IL1RAPL1: variants seen among roughly 807,000 people sequenced by gnomAD.
IL1RAPL1 encodes the protein interleukin 1 receptor accessory protein like 1.
In IL1RAPL1, 3 loss-of-function variants were observed where a neutral mutation model predicts 48.4. The observed-to-expected ratio is 0.06, with a 90% CI of 0.03 to 0.16. The LOEUF (loss-of-function observed/expected upper bound fraction) is 0.16, where lower values mean the gene tolerates loss of function less well. Among genes scored for constraint, IL1RAPL1 ranks in the 10% least tolerant of loss-of-function variants. The probability of loss-of-function intolerance (pLI) is 1.00; values close to 1 mark genes in which losing one functional copy is unlikely to be tolerated. For synonymous variants in IL1RAPL1, 185 were observed against 187.7 expected (o/e 0.99, Z 0.12); for missense variants, 349 against 530.6 (o/e 0.66, Z 3.36).
intron 6 of IL1RAPL1, among the ~76,000 whole-genome samples, chrX:29,786,654 G>A (rs1929507110): frequency 8.9e-6 from 1 of 111,833 alleles, no homozygotes; most frequent in Non-Finnish European, 1.9e-5. Context: ...TAGCAAATAA[G>A]CTCGTAAAGT....
At chrX:28,927,543 C>T (rs939411440) in intron 2 of IL1RAPL1, among the ~76,000 whole-genome samples, 4 of 111,367 alleles carry the variant, frequency 3.6e-5, no homozygotes, top group Admixed American at 9.5e-5. Flanking sequence ...TTATTTACCT[C>T]GTATTCTCTT....
At chrX:29,510,252 T>C (rs748118831) in intron 5 of IL1RAPL1, among the ~76,000 whole-genome samples, 21 of 112,510 alleles carry the variant, frequency 1.9e-4, no homozygotes, top group Non-Finnish European at 3.0e-4. Context: ...CTGTAAAGTA[T>C]GTATCTACTT....
At chrX:29,899,847 A>G (rs766218322) in intron 6 of IL1RAPL1, among the ~76,000 whole-genome samples, 9 of 111,820 alleles carry the variant, frequency 8.0e-5, no homozygotes, top group Non-Finnish European at 1.3e-4. Flanking sequence ...CCCGGCCAAC[A>G]GTGAATTTTT....
chrX:29,438,465 G>A (rs1005781085), intron 5 of IL1RAPL1, among the ~76,000 whole-genome samples: 4 of 110,503 alleles, frequency 3.6e-5, no homozygotes, highest in Non-Finnish European at 5.7e-5. Flanking sequence ...TTTTGAGGTG[G>A]GAGATTAGAA....
Position 29,470,552 on chromosome X carries a change from A to G in IL1RAPL1, c.703+71244A>G, listed in dbSNP as rs1259629191. Among the ~76,000 whole-genome samples the G allele has an allele frequency of 2.7e-5, 3 of 111,262 alleles. No homozygotes were observed. In the East Asian group the frequency reaches 8.4e-4, roughly 31 times the overall value. On this transcript the variant is annotated intron_variant, in intron 5 of 10. Coordinates refer to ENST00000378993, the MANE Select transcript of IL1RAPL1 (RefSeq NM_014271.4). ...ACCAAGCATCTTTTTTTCTTATACAATTTTATTAATGGAGATACAATTCAC... is the reference window on the plus strand; with the variant it reads ...ACCAAGCATCTTTTTTTCTTATACAGTTTTATTAATGGAGATACAATTCAC...
intron 5 of IL1RAPL1, among the ~76,000 whole-genome samples, chrX:29,666,087 GTTT>G (rs756191637): frequency 9.2e-6 from 1 of 108,225 alleles, no homozygotes; most frequent in African/African-American, 3.3e-5. Flanking sequence ...AATCAGTCCA[GTTT>G]TTTTTTAAGT....
intron 1 of IL1RAPL1, among the ~76,000 whole-genome samples, chrX:28,726,578 T>G (rs1601875759): frequency 8.9e-6 from 1 of 112,037 alleles, no homozygotes; most frequent in Admixed American, 9.5e-5. Context: ...AAATTGAAAT[T>G]TAAACATTAT....
chrX:29,007,984 A>C (rs1454390412), intron 2 of IL1RAPL1, among the ~76,000 whole-genome samples: 1 of 111,493 alleles, frequency 9.0e-6, no homozygotes, highest in Non-Finnish European at 1.9e-5. Context: ...AGAATGGTAG[A>C]AAATTAAATG....
chrX:29,764,237 C>T (rs934999028), intron 6 of IL1RAPL1, among the ~76,000 whole-genome samples: 4 of 111,714 alleles, frequency 3.6e-5, no homozygotes, highest in Non-Finnish European at 7.5e-5. Flanking sequence ...AGGCACAAGA[C>T]GCCAAGGCTT....
chrX:29,731,285 A>G (rs755884706), intron 6 of IL1RAPL1, among the ~76,000 whole-genome samples: 4 of 112,418 alleles, frequency 3.6e-5, no homozygotes, highest in African/African-American at 1.3e-4. Context: ...CTCAGCAAAG[A>G]CTGTAACTAC....
chrX:28,660,200 C>T (rs1223739539), intron 1 of IL1RAPL1, among the ~76,000 whole-genome samples: 1 of 106,760 alleles, frequency 9.4e-6, no homozygotes, highest in Non-Finnish European at 1.9e-5. Flanking sequence ...TTTCTCATGT[C>T]ATGCCCAGGA....
At chrX:29,579,626 C>T (rs1349626896) in intron 5 of IL1RAPL1, among the ~76,000 whole-genome samples, 1 of 111,848 alleles carries the variant, frequency 8.9e-6, no homozygotes, top group Non-Finnish European at 1.9e-5. Context: ...CTCAAATGAC[C>T]AATTCGATTT....
intron 2 of IL1RAPL1, among the ~76,000 whole-genome samples, chrX:28,962,345 C>T (rs771926161): frequency 1.8e-5 from 2 of 111,662 alleles, no homozygotes; most frequent in Non-Finnish European, 3.8e-5. Context: ...ATTCAAACTA[C>T]CTCTTCTTAT....
At chrX:28,856,816 A>G (rs1034482332) in intron 2 of IL1RAPL1, among the ~76,000 whole-genome samples, 2 of 111,673 alleles carry the variant, frequency 1.8e-5, no homozygotes, top group African/African-American at 6.5e-5. Context: ...AAGTCAATTA[A>G]TAATCCCACA....
intron 5 of IL1RAPL1, among the ~76,000 whole-genome samples, chrX:29,493,374 G>T (rs971693482): frequency 8.9e-6 from 1 of 112,301 alleles, no homozygotes; most frequent in African/African-American, 3.2e-5. Context: ...TATTTAATAT[G>T]TTACATGAAT....
intron 3 of IL1RAPL1, among the ~76,000 whole-genome samples, chrX:29,366,335 A>G (rs1444963869): frequency 2.7e-5 from 3 of 110,350 alleles, no homozygotes; most frequent in Non-Finnish European, 3.8e-5. Context: ...TTTAAAAACT[A>G]CTTGGTAATT....
At chrX:29,539,369 G>A (rs1005271951) in intron 5 of IL1RAPL1, among the ~76,000 whole-genome samples, 3 of 111,438 alleles carry the variant, frequency 2.7e-5, no homozygotes, top group African/African-American at 9.8e-5. Context: ...ATTGCTTCAC[G>A]TTAAAAACCC....
At chrX:29,619,935 T>C (rs1277621554) in intron 5 of IL1RAPL1, among the ~76,000 whole-genome samples, 1 of 111,757 alleles carries the variant, frequency 8.9e-6, no homozygotes, top group Non-Finnish European at 1.9e-5. Flanking sequence ...CTCCTTCACA[T>C]TCAGTTTATT....
chrX:29,942,529 A>C (rs757669852), intron 9 of IL1RAPL1, among the ~76,000 whole-genome samples: 1,751 of 111,898 alleles, frequency 0.016, 39 homozygotes, highest in African/African-American at 0.054. Flanking sequence ...AAAAAATAAC[A>C]AAAAGGAAAA....
Sources: gnomAD v4.1 joint callset for allele counts (sites outside exome capture counted in the v4.1 genomes callset) on GRCh38, gnomAD v4.1.1 for gene constraint, MANE v1.5 for transcripts, NCBI Gene and HGNC (gene_info 2026-07-23, HGNC 2026-07-21) for gene names.